The following SBNO1 variants were observed in gnomAD, a reference collection of about 807,000 sequenced individuals.
The protein encoded by SBNO1 is protein strawberry notch homolog 1.
In SBNO1, 23 loss-of-function variants were observed where a neutral mutation model predicts 173.6. That is an observed-to-expected ratio of 0.13 (90% CI 0.10 to 0.19). The LOEUF is 0.19. Ranked by LOEUF, SBNO1 falls within the 10% of genes least tolerant of loss-of-function variation. The probability of loss-of-function intolerance (pLI) is 1.00; values close to 1 mark genes in which losing one functional copy is unlikely to be tolerated. For synonymous variants in SBNO1, 632 were observed against 571.5 expected (o/e 1.11, Z -1.51); for missense variants, 1,238 against 1,671.2 (o/e 0.74, Z 4.52).
intron 1 of SBNO1, among the ~76,000 whole-genome samples, chr12:123,361,042 G>C (rs569487156): frequency 1.0e-3 from 157 of 152,160 alleles, no homozygotes; most frequent in African/African-American, 3.6e-3. Flanking sequence ...TCAAGAGATT[G>C]AAACAATCCT....
Position 123,364,787 on chromosome 12 carries a change from T to TGGCGGCGGCAGC in SBNO1, c.-99_-88dup. 1 of 986,926 alleles carries TGGCGGCGGCAGC rather than the reference T, an allele frequency of 1.0e-6. No homozygotes were observed. The highest frequency in any genetic ancestry group is 1.2e-6 in the Non-Finnish European group (1 of 831,586). The allele number at this position is 986,926 out of a possible 1,614,324, so 61.1% of individuals were successfully genotyped here. A position where few individuals can be genotyped will look rare whatever the true frequency, so the allele number is the denominator to read the frequency against. ...GAGGCGACTGGAGCGGAGGCGGCGG[T>TGGCGGCGGCAGC]GGCGGCGGCAGCAGCGGCGTCCTGC... is the stretch of plus-strand genomic sequence containing the variant. On this transcript the variant is annotated 5_prime_UTR_variant, in exon 1 of 32. Transcript: ENST00000602398.
chr12:123,311,208 G>GT, intron 24 of SBNO1, 79 bp from the exon 25 acceptor site: 4 of 1,030,826 alleles, frequency 3.9e-6, no homozygotes, highest in Non-Finnish European at 6.1e-6. Flanking sequence ...AAAGTATGTT[G>GT]TAAGTAGTAT....
chr12:123,349,191 C>T (rs1043862661), intron 2 of SBNO1: 1 of 152,016 alleles, frequency 6.6e-6, no homozygotes, highest in Non-Finnish European at 1.5e-5. Context: ...CCTCAAACTC[C>T]TGAGCTCAAG....
intron 5 of SBNO1, among the ~76,000 whole-genome samples, chr12:123,336,888 G>T (rs1268524095): frequency 1.3e-5 from 2 of 152,176 alleles, no homozygotes; most frequent in African/African-American, 4.8e-5. Flanking sequence ...GTGCAAAACT[G>T]GAGTGAACCC....
chr12:123,327,903 G>C lies in SBNO1; in HGVS notation c.1421C>G (p.Ala474Gly). 1.2e-6 allele frequency: 2 copies of C among 1,611,142 alleles called. No homozygotes were observed. The highest frequency in any genetic ancestry group is 1.7e-6 in the Non-Finnish European group (2 of 1,178,090). ...AAATAAATACTCACCAGTTGCACTAGCATAAACAACTCTGGCTTTTGGCAA... is the reference window on the plus strand; with the variant it reads ...AAATAAATACTCACCAGTTGCACTACCATAAACAACTCTGGCTTTTGGCAA... ...NKLPKARVVY[A>G]SATGASEPRN... Residue 474 changes from alanine to glycine, a missense_variant, in exon 11 of 32, where the codon GCT (alanine) becomes GGT (glycine). By Grantham distance (60) the Ala-to-Gly change is moderately conservative. Coordinates refer to ENST00000602398, the MANE Select transcript of SBNO1 (RefSeq NM_001167856.3).
chr12:123,345,654 A>G lies in SBNO1; in HGVS notation c.238-84T>C, dbSNP rs954894468. The G allele has an allele frequency of 1.9e-5, 22 of 1,160,984 alleles. No homozygotes were observed. In the African/African-American group the frequency reaches 2.8e-4, roughly 15 times the overall value. The allele number at this position is 1,160,984 out of a possible 1,614,324, so 71.9% of individuals were successfully genotyped here. The stretch of plus-strand genomic sequence containing the variant: ...TATCCACAAACCTGGAAGGACAACT[A>G]AAAATCTAAAATGCACTTTTATTAT... On this transcript the variant is annotated intron_variant, in intron 3 of 31. Coordinates refer to ENST00000602398, the MANE Select transcript of SBNO1 (RefSeq NM_001167856.3).
intron 1 of SBNO1, among the ~76,000 whole-genome samples, chr12:123,363,008 G>A (rs541966830): frequency 4.6e-5 from 7 of 152,154 alleles, no homozygotes; most frequent in African/African-American, 1.7e-4. Context: ...GATCGCTTGA[G>A]CCCAGGAGTT....
chr12:123,334,255 G>A (rs556208892), intron 6 of SBNO1, 42 bp from the exon 7 acceptor site: 9 of 1,137,510 alleles, frequency 7.9e-6, no homozygotes, highest in Admixed American at 5.5e-5. Context: ...ATTATTCTAA[G>A]TAATAACATT....
At chr12:123,341,448 AAAAAAT>A (rs1045733218) in intron 4 of SBNO1, among the ~76,000 whole-genome samples, 2 of 152,162 alleles carry the variant, frequency 1.3e-5, no homozygotes, top group Non-Finnish European at 2.9e-5. Context: ...ACTTTGTCTA[AAAAAAT>A]AAAAATAAAA....
At chr12:123,331,670 C>A (rs144897271) in intron 7 of SBNO1, among the ~76,000 whole-genome samples, 6 of 151,854 alleles carry the variant, frequency 4.0e-5, no homozygotes, top group Admixed American at 1.3e-4. Flanking sequence ...TACAGGCGCC[C>A]GCCACCACGC....
intron 30 of SBNO1, 56 bp from the exon 31 acceptor site, chr12:123,298,227 T>C: frequency 2.0e-6 from 3 of 1,475,742 alleles, no homozygotes; most frequent in Non-Finnish European, 1.8e-6. Flanking sequence ...CACAGACACG[T>C]TTCTAAAAGA....
chr12:123,301,175 T>C (rs2048780113), intron 30 of SBNO1, among the ~76,000 whole-genome samples: 1 of 151,976 alleles, frequency 6.6e-6, no homozygotes, highest in Admixed American at 6.6e-5. Flanking sequence ...GCCCTGCTAA[T>C]TTTTTTATTT....
At chr12:123,300,670 T>C (rs1168828617) in intron 30 of SBNO1, among the ~76,000 whole-genome samples, 2 of 123,528 alleles carry the variant, frequency 1.6e-5, no homozygotes, top group Admixed American at 8.8e-5. Flanking sequence ...AAAAAAGAAA[T>C]GTTTGTAGGG....
rs538525673 is a variant in SBNO1, at chr12:123,320,688, T to C, written c.2491+11A>G. The stretch of plus-strand genomic sequence containing the variant: ...AACAGTATTTCAAAAAGGAAGTTTC[T>C]GTATGGATACCTGGTGTACTGTTAG... On this transcript the variant is annotated intron_variant, in intron 18 of 31. Transcript: ENST00000602398. 1.4e-4 allele frequency: 220 copies of C among 1,596,200 alleles called. 2 individuals carry two copies. The South Asian group carries it at 2.4e-3, about 17-fold the overall frequency.
intron 30 of SBNO1, among the ~76,000 whole-genome samples, chr12:123,302,266 G>A (rs1043658266): frequency 3.7e-4 from 49 of 130,738 alleles, no homozygotes; most frequent in Middle Eastern, 8.3e-3. Context: ...TTTTTTTAAT[G>A]GAGTCTCGCT....
intron 23 of SBNO1, among the ~76,000 whole-genome samples, chr12:123,314,219 T>A (rs953237431): frequency 2.0e-5 from 3 of 152,086 alleles, no homozygotes. Flanking sequence ...CAGGCTGGAA[T>A]GTAATGGCAC....
intron 1 of SBNO1, among the ~76,000 whole-genome samples, chr12:123,363,405 GA>G (rs1411024593): frequency 6.6e-6 from 1 of 152,178 alleles, no homozygotes; most frequent in Non-Finnish European, 1.5e-5. Flanking sequence ...AGAATTATCT[GA>G]AAGTGTTAAG....
rs538218167 is a variant in SBNO1, at chr12:123,299,681, C to CAAAAAAAAAAAAAAAA, written c.3846-1526_3846-1511dup. ...GGGCGACACAGCAAGACTCTGTCTT[C>CAAAAAAAAAAAAAAAA]AAAAAAAAAAAAAAAAAACAAAAAA... On this transcript the variant is annotated intron_variant, in intron 30 of 31. Transcript: ENST00000602398. Among the ~76,000 whole-genome samples the CAAAAAAAAAAAAAAAA allele has an allele frequency of 5.8e-4, 54 of 93,890 alleles. 1 individual carries two copies. Among genetic ancestry groups the CAAAAAAAAAAAAAAAA allele is most frequent in the East Asian group, 2.3e-3 (6 of 2,576 alleles). 61.6% of individuals were successfully genotyped at this position (93,890 alleles called of 152,430 possible). A position where few individuals can be genotyped will look rare whatever the true frequency, so the allele number is the denominator to read the frequency against.
rs2049004735 is a variant in SBNO1, at chr12:123,309,562, T to C, written c.3464A>G (p.Lys1155Arg). The change falls in exon 27 of 32, where the codon AAA becomes AGA. Residue 1155 changes from lysine (K) to arginine (R), a missense_variant. This residue lies in a region of SBNO1 where 351 missense variants were observed against 420.3 expected (regional missense o/e 0.84). Transcript: ENST00000602398. ...GILDLGSGDE[K>R]VRKSDVKKFL... ...CTTTTTAACATCACTTTTCCGCACT[T>C]TTTCATCTCCAGAACCAAGATCTTG... The C allele has an allele frequency of 1.2e-6, 2 of 1,613,796 alleles. No individual in the cohort carries two copies. The highest frequency in any genetic ancestry group is 1.3e-5 in the African/African-American group (1 of 74,912).
Sources: gnomAD v4.1 joint callset for allele counts (sites outside exome capture counted in the v4.1 genomes callset) on GRCh38, gnomAD v4.1.1 for gene constraint, gnomAD v4.1.1 regional missense constraint, MANE v1.5 for transcripts, NCBI Gene and HGNC (gene_info 2026-07-23, HGNC 2026-07-21) for gene names.